The following CILK1 variants were observed in gnomAD, a reference collection of about 807,000 sequenced individuals.
CILK1 encodes serine/threonine-protein kinase ICK.
CILK1 carries 47 observed loss-of-function variants against 79.2 expected under a neutral mutation model. The observed-to-expected ratio is 0.59, with a 90% confidence interval of 0.47 to 0.76. The LOEUF (loss-of-function observed/expected upper bound fraction) is 0.76. Ranked by LOEUF, CILK1 falls within the 30% of genes least tolerant of loss-of-function variation. The pLI is 0.00. For missense variants in CILK1, 660 were observed against 769.5 expected, an observed-to-expected ratio of 0.86 and a Z score of 1.68; for synonymous variants, 266 against 275.9, an observed-to-expected ratio of 0.96 and a Z score of 0.36.
intron 5 of CILK1, among the ~76,000 whole-genome samples, chr6:53,021,006 T>C (rs541797688): frequency 6.6e-6 from 1 of 152,330 alleles, no homozygotes; most frequent in Non-Finnish European, 1.5e-5. Flanking sequence ...GTTATGAGAT[T>C]GTGTCGTATT....
At chr6:53,040,367 A>C (rs772722595) in intron 2 of CILK1, among the ~76,000 whole-genome samples, 3 of 152,244 alleles carry the variant, frequency 2.0e-5, no homozygotes, top group Non-Finnish European at 4.4e-5. Flanking sequence ...GTTTTGATGA[A>C]GCAAATTGCC....
chr6:53,009,605 CAATG>C, intron 11 of CILK1, 38 bp from the exon 12 acceptor site: 1 of 1,533,090 alleles, frequency 6.5e-7, no homozygotes, highest in East Asian at 2.2e-5. Context: ...GCAAAATACA[CAATG>C]AATCTTACAC....
At chr6:53,007,034 C>A (rs1179302189) in intron 12 of CILK1, among the ~76,000 whole-genome samples, 1 of 152,184 alleles carries the variant, frequency 6.6e-6, no homozygotes, top group Admixed American at 6.5e-5. Context: ...TGCTACTCGT[C>A]TTGGTATTCT....
chr6:53,038,092 A>C (rs528560265), intron 2 of CILK1, 99 bp from the exon 3 acceptor site: 1 of 791,266 alleles, frequency 1.3e-6, no homozygotes, highest in Non-Finnish European at 2.2e-6. Flanking sequence ...AATTAACAGT[A>C]CTTAAAGTGG....
In CILK1 at chr6:53,004,154, A is replaced by G. The variant is rs932260951; in HGVS notation, c.*995T>C. ...CCCAAATTGTCCTGAGAATTTGGCT[A>G]GGACAGAACATTAGTCATTGACTGC... On this transcript the variant is annotated 3_prime_UTR_variant, in exon 14 of 14. Coordinates refer to ENST00000676107, the MANE Select transcript of CILK1 (RefSeq NM_014920.5). 1 of 152,660 alleles carries G rather than the reference A, an allele frequency of 6.6e-6. No homozygotes were observed. The highest frequency in any genetic ancestry group is 6.5e-5 in the Admixed American group (1 of 15,288). The allele number at this position is 152,660 out of a possible 1,614,324, so 9.5% of individuals were successfully genotyped here.
Position 53,013,443 on chromosome 6 carries a change from C to G in CILK1, c.1152+219G>C, listed in dbSNP as rs181059467. 2.6e-3 allele frequency among the ~76,000 whole-genome samples: 394 copies of G among 152,350 alleles called. 6 individuals are homozygous for G. The highest frequency in any genetic ancestry group is 8.8e-3 in the African/African-American group (366 of 41,580). On this transcript the variant is annotated intron_variant, in intron 9 of 13. Coordinates refer to ENST00000676107, the MANE Select transcript of CILK1 (RefSeq NM_014920.5). ...CCAGCTCCCAGCCACTACCCTATAG[C>G]TGCCTCCATTAGTGACAACGGTTTT...
chr6:53,019,834 T>G (rs1417940231), intron 5 of CILK1, among the ~76,000 whole-genome samples: 1 of 80,898 alleles, frequency 1.2e-5, no homozygotes, highest in Non-Finnish European at 2.7e-5. Flanking sequence ...GTTTTTTTGT[T>G]TTTTTTTTTT....
At chr6:53,058,067 G>A (rs1252831903) in intron 1 of CILK1, among the ~76,000 whole-genome samples, 2 of 152,158 alleles carry the variant, frequency 1.3e-5, no homozygotes, top group East Asian at 3.8e-4. Flanking sequence ...TTCCTACCCA[G>A]GAAGACTTCA....
chr6:53,056,623 C>T (rs1767895597), intron 1 of CILK1, among the ~76,000 whole-genome samples: 1 of 152,190 alleles, frequency 6.6e-6, no homozygotes, highest in African/African-American at 2.4e-5. Context: ...TACATACAAG[C>T]TGTGTTTAAC....
intron 8 of CILK1, among the ~76,000 whole-genome samples, chr6:53,015,254 G>A (rs1264021338): frequency 6.6e-6 from 1 of 152,146 alleles, no homozygotes; most frequent in East Asian, 1.9e-4. Flanking sequence ...GTTGAGAAGG[G>A]GCCAGATGTA....
chr6:53,043,058 G>A lies in CILK1; in HGVS notation c.-172-1650C>T, dbSNP rs150054096. ...AGGCCAGGCGCAGTGGCTCATGACT[G>A]TAATCCCAGCACTCTGGGAGGCTGA... On this transcript the variant is annotated intron_variant, in intron 1 of 13. Transcript: ENST00000676107. Among the ~76,000 whole-genome samples, 1,302 of 152,298 alleles carry A rather than the reference G, an allele frequency of 8.5e-3. 18 individuals carry two copies. Among genetic ancestry groups the A allele is most frequent in the African/African-American group, 0.028 (1,183 of 41,554 alleles).
In CILK1 at chr6:53,059,508, C is replaced by T. The variant is rs376197502; in HGVS notation, c.-173+2088G>A. Among the ~76,000 whole-genome samples, 10 of 152,308 alleles carry T rather than the reference C, an allele frequency of 6.6e-5. No homozygotes were observed. In the East Asian group the frequency reaches 1.5e-3, roughly 23 times the overall value. On this transcript the variant is annotated intron_variant, in intron 1 of 13. Transcript: ENST00000676107. ...TTATAAGAGAAGTAGACTTAGGCTC[C>T]TCTGAGGACAGGTAGGAGTCGCACA... is the stretch of plus-strand genomic sequence containing the variant.
chr6:53,008,350 C>A (rs1562001592), intron 12 of CILK1, among the ~76,000 whole-genome samples: 1 of 151,724 alleles, frequency 6.6e-6, no homozygotes. Flanking sequence ...ATCAGGCTGG[C>A]ATGGGGGGAG....
intron 6 of CILK1, 111 bp downstream of exon 6, chr6:53,019,116 A>C: frequency 1.0e-6 from 1 of 994,412 alleles, no homozygotes; most frequent in Non-Finnish European, 1.6e-6. Flanking sequence ...TTCAGACTGC[A>C]CTGTTTCTCT....
At chr6:53,019,113 T>C in intron 6 of CILK1, 114 bp downstream of exon 6, 3 of 959,022 alleles carry the variant, frequency 3.1e-6, no homozygotes, top group East Asian at 2.5e-5. Flanking sequence ...TGTTTCAGAC[T>C]GCACTGTTTC....
At chr6:53,052,725 T>C (rs1767567816) in intron 1 of CILK1, among the ~76,000 whole-genome samples, 1 of 148,520 alleles carries the variant, frequency 6.7e-6, no homozygotes. Context: ...TGAGATTCTG[T>C]CTCAAAAAAA....
rs765499188 is a variant in CILK1 at position 53,041,147 on chromosome 6, G to T, written c.90C>A (p.Ile30=). 2 of 1,610,144 alleles carry T rather than the reference G, an allele frequency of 1.2e-6. No homozygotes were observed. The highest frequency in any genetic ancestry group is 2.2e-5 in the South Asian group (2 of 90,962). The part of the protein sequence containing the change: ...LGRSIESGEL[I]AIKKMKRKFY... The stretch of plus-strand genomic sequence containing the variant: ...AGGATCAAACTTACTTTTTAATAGC[G>T]ATCAGCTCCCCAGACTCAATGCTTC... The change falls in exon 2 of 14, where the codon ATC becomes ATA. Residue 30 remains isoleucine, a synonymous_variant. Coordinates refer to ENST00000676107, the MANE Select transcript of CILK1 (RefSeq NM_014920.5).
chr6:53,054,675 C>T (rs1322387088), intron 1 of CILK1: 2 of 152,236 alleles, frequency 1.3e-5, no homozygotes, highest in Non-Finnish European at 2.9e-5. Flanking sequence ...CAGATCAGGC[C>T]TTTGGCCTTT....
intron 11 of CILK1, among the ~76,000 whole-genome samples, chr6:53,011,201 C>T (rs1252852898): frequency 6.6e-6 from 1 of 152,118 alleles, no homozygotes; most frequent in Non-Finnish European, 1.5e-5. Flanking sequence ...GTAGAGGGGC[C>T]TCAGACATGC....
Sources: allele counts gnomAD v4.1 joint callset (sites outside exome capture counted in the v4.1 genomes callset), GRCh38; gene constraint gnomAD v4.1.1; transcripts MANE v1.5; gene names NCBI Gene and HGNC (gene_info 2026-07-23, HGNC 2026-07-21).